Variants in CADPS2 observed in about 807,000 individuals in gnomAD.
The protein encoded by CADPS2 is calcium dependent secretion activator 2.
Under a neutral mutation model 172.5 loss-of-function variants are expected in CADPS2, and 93 were observed. The observed-to-expected ratio is 0.54, with a 90% CI of 0.46 to 0.64. The LOEUF (loss-of-function observed/expected upper bound fraction) is 0.64, where lower values mean the gene tolerates loss of function less well. CADPS2 is among the 30% of genes least tolerant of loss of function. CADPS2 has a pLI of 0.00. For missense variants in CADPS2, 1,420 were observed against 1,565.9 expected (o/e 0.91, Z 1.57); for synonymous variants, 546 against 555.2 (o/e 0.98, Z 0.23).
rs542209471 is a variant in CADPS2 at position 122,364,337 on chromosome 7, A to C, written c.3388-3324T>G. On this transcript the variant is annotated intron_variant, in intron 25 of 29. Transcript: ENST00000449022. Reference sequence around the variant, plus strand: ...GGTGGGAGGATTGCTTGTGCCCAGGAGTTCAAGGCTAAACTGAACAATGAT... The same window carrying C: ...GGTGGGAGGATTGCTTGTGCCCAGGCGTTCAAGGCTAAACTGAACAATGAT... Among the ~76,000 whole-genome samples the C allele has an allele frequency of 4.1e-5, 6 of 146,740 alleles. No individual in the cohort carries two copies. The East Asian group carries it at 1.3e-3, about 31-fold the overall frequency.
intron 2 of CADPS2, among the ~76,000 whole-genome samples, chr7:122,721,733 C>T (rs996032516): frequency 6.7e-6 from 1 of 149,952 alleles, no homozygotes; most frequent in Non-Finnish European, 1.5e-5. Flanking sequence ...AGAGACACAA[C>T]AAAAAAAAAG....
chr7:122,728,436 A>G lies in CADPS2; in HGVS notation c.453+8519T>C, dbSNP rs75781266. Among the ~76,000 whole-genome samples the G allele has an allele frequency of 3.6e-4, 55 of 151,992 alleles. No homozygotes were observed. In the East Asian group the frequency reaches 9.9e-3, roughly 27 times the overall value. ...ATACCAATCTGATAGCTGGTGGTAG[A>G]AAATTGGAGTAGATATTCCCAAATT... On this transcript the variant is annotated intron_variant, in intron 2 of 29. Coordinates refer to ENST00000449022, the MANE Select transcript of CADPS2 (RefSeq NM_017954.11).
intron 25 of CADPS2, among the ~76,000 whole-genome samples, chr7:122,373,711 C>T (rs2042026844): frequency 6.6e-6 from 1 of 152,052 alleles, no homozygotes; most frequent in Non-Finnish European, 1.5e-5. Context: ...ATAAAGCTGA[C>T]CAATAACAAA....
At chr7:122,683,786 G>A (rs537042955) in intron 2 of CADPS2, among the ~76,000 whole-genome samples, 1 of 151,726 alleles carries the variant, frequency 6.6e-6, no homozygotes, top group Non-Finnish European at 1.5e-5. Flanking sequence ...GCTGCTGTCT[G>A]TGTGGAGTTT....
chr7:122,815,636 T>C (rs1336163389), intron 1 of CADPS2, among the ~76,000 whole-genome samples: 2 of 151,726 alleles, frequency 1.3e-5, no homozygotes, highest in Non-Finnish European at 2.9e-5. Flanking sequence ...ATTCAAAATA[T>C]ATTGCAGCGA....
chr7:122,575,580 G>T (rs2132662809), intron 7 of CADPS2, among the ~76,000 whole-genome samples: 1 of 151,928 alleles, frequency 6.6e-6, no homozygotes, highest in African/African-American at 2.4e-5. Flanking sequence ...GGGATTACAG[G>T]TGTGCACCAC....
At chr7:122,796,507 A>G (rs1796406131) in intron 1 of CADPS2, among the ~76,000 whole-genome samples, 1 of 152,166 alleles carries the variant, frequency 6.6e-6, no homozygotes, top group Non-Finnish European at 1.5e-5. Context: ...GTGCTGGTAT[A>G]AAAACAGATA....
chr7:122,685,069 G>A (rs1185822785), intron 2 of CADPS2, among the ~76,000 whole-genome samples: 3 of 151,982 alleles, frequency 2.0e-5, no homozygotes, highest in African/African-American at 7.3e-5. Flanking sequence ...TTAACAGATG[G>A]CAACTACATG....
chr7:122,328,824 C>T (rs1431335695), intron 28 of CADPS2, among the ~76,000 whole-genome samples: 1 of 152,068 alleles, frequency 6.6e-6, no homozygotes. Flanking sequence ...TATTAGCAGC[C>T]CGCCTCCCCA....
chr7:122,718,380 G>A (rs924819839), intron 2 of CADPS2, among the ~76,000 whole-genome samples: 1 of 151,956 alleles, frequency 6.6e-6, no homozygotes, highest in East Asian at 1.9e-4. Context: ...GGGAGAGAGG[G>A]AAAAGGAGGT....
intron 14 of CADPS2, among the ~76,000 whole-genome samples, chr7:122,466,175 T>C (rs894121544): frequency 1.3e-5 from 2 of 152,206 alleles, no homozygotes; most frequent in African/African-American, 4.8e-5. Flanking sequence ...GTCTAATATA[T>C]ACTAAAAAAT....
chr7:122,723,445 C>G (rs2090711709), intron 2 of CADPS2, among the ~76,000 whole-genome samples: 1 of 152,106 alleles, frequency 6.6e-6, no homozygotes, highest in Non-Finnish European at 1.5e-5. Flanking sequence ...CATCACAGGC[C>G]ATCAGAGAAA....
intron 1 of CADPS2, among the ~76,000 whole-genome samples, chr7:122,755,141 C>A (rs1470185207): frequency 6.6e-6 from 1 of 152,104 alleles, no homozygotes; most frequent in Non-Finnish European, 1.5e-5. Context: ...GACAATTACA[C>A]CAAATCTAGA....
intron 14 of CADPS2, among the ~76,000 whole-genome samples, chr7:122,468,400 T>C (rs2055447755): frequency 6.6e-6 from 1 of 151,972 alleles, no homozygotes; most frequent in South Asian, 2.1e-4. Flanking sequence ...CAAGGAGAGG[T>C]TGCCAAAACC....
At chr7:122,385,593 G>A (rs998845221) in intron 24 of CADPS2, among the ~76,000 whole-genome samples, 2 of 152,022 alleles carry the variant, frequency 1.3e-5, no homozygotes, top group Non-Finnish European at 2.9e-5. Context: ...GTATACACTA[G>A]TCAATCCTTT....
chr7:122,416,179 A>G lies in CADPS2; in HGVS notation c.2477-15T>C, dbSNP rs2047887895. ...GTTCATGGTCTCTATATGAAAAAAA[A>G]TCATAATCATGTTACCTTGAAAATA... On this transcript the variant is annotated splice_polypyrimidine_tract_variant and intron_variant, in intron 17 of 29. Coordinates refer to ENST00000449022, the MANE Select transcript of CADPS2 (RefSeq NM_017954.11). The G allele has an allele frequency of 2.1e-6, 3 of 1,441,690 alleles. No homozygotes were observed. The highest frequency in any genetic ancestry group is 2.8e-6 in the Non-Finnish European group (3 of 1,057,440). 89.3% of individuals were successfully genotyped at this position (1,441,690 alleles called of 1,614,324 possible).
chr7:122,875,234 T>C (rs771429546), intron 1 of CADPS2, among the ~76,000 whole-genome samples: 1 of 152,170 alleles, frequency 6.6e-6, no homozygotes, highest in Non-Finnish European at 1.5e-5. Context: ...TTTCAATCTC[T>C]CTGATAAACT....
At chr7:122,345,726 C>G in intron 27 of CADPS2, 45 bp from the exon 28 acceptor site, 1 of 1,180,834 alleles carries the variant, frequency 8.5e-7, no homozygotes. Flanking sequence ...TATCAGGTCT[C>G]AATTGTGAAA....
rs551837543 is a variant in CADPS2, at chr7:122,647,273, A to G, written c.786+15964T>C. On this transcript the variant is annotated intron_variant, in intron 3 of 29. Transcript: ENST00000449022. ...AATCCCAATATGTTCTAAATTCTCAAACTCTACAAGGTAGTGAACCTATCT... is the reference window on the plus strand; with the variant it reads ...AATCCCAATATGTTCTAAATTCTCAGACTCTACAAGGTAGTGAACCTATCT... Among the ~76,000 whole-genome samples, 5 of 152,246 alleles carry G rather than the reference A, an allele frequency of 3.3e-5. No homozygotes were observed. In the East Asian group the frequency reaches 9.7e-4, roughly 29 times the overall value.
Sources: allele counts gnomAD v4.1 joint callset (sites outside exome capture counted in the v4.1 genomes callset), GRCh38; gene constraint gnomAD v4.1.1; transcripts MANE v1.5; gene names NCBI Gene and HGNC (gene_info 2026-07-23, HGNC 2026-07-21).